Variants in GAREM1 observed in about 807,000 individuals in gnomAD.
The protein encoded by GAREM1 is GRB2 associated regulator of MAPK1 subtype 1.
GAREM1 carries 26 observed loss-of-function variants against 71.3 expected under a neutral mutation model. The observed-to-expected ratio is 0.36, with a 90% CI of 0.27 to 0.51. The LOEUF is 0.51. Ranked by LOEUF, GAREM1 falls within the 20% of genes least tolerant of loss-of-function variation. The pLI, the probability that GAREM1 is intolerant of heterozygous loss-of-function variation, is 0.95. For missense variants in GAREM1, 1,026 were observed against 1,103.1 expected, an observed-to-expected ratio of 0.93 and a Z score of 0.99; for synonymous variants, 440 against 433.2, an observed-to-expected ratio of 1.02 and a Z score of -0.20.
At chr18:32,310,532 C>T (rs1340119869) in intron 2 of GAREM1, among the ~76,000 whole-genome samples, 2 of 152,138 alleles carry the variant, frequency 1.3e-5, no homozygotes, top group Non-Finnish European at 2.9e-5. Context: ...AAATAAACTG[C>T]ATTCTTTTTG....
chr18:32,441,535 T>C (rs1001048063), intron 1 of GAREM1, among the ~76,000 whole-genome samples: 1 of 152,180 alleles, frequency 6.6e-6, no homozygotes, highest in African/African-American at 2.4e-5. Flanking sequence ...TATATTCAAG[T>C]GCATGACTAA....
At chr18:32,302,692 G>A (rs1019969967) in intron 3 of GAREM1, among the ~76,000 whole-genome samples, 5 of 152,198 alleles carry the variant, frequency 3.3e-5, no homozygotes, top group Middle Eastern at 3.2e-3. Flanking sequence ...AATGGTGGCT[G>A]TCAGAGGCTG....
At chr18:32,441,320 C>T (rs941470547) in intron 1 of GAREM1, among the ~76,000 whole-genome samples, 1 of 151,208 alleles carries the variant, frequency 6.6e-6, no homozygotes, top group Non-Finnish European at 1.5e-5. Flanking sequence ...CCAACAACAA[C>T]GTCTAGCATA....
At chr18:32,284,811 G>A (rs927613104) in intron 4 of GAREM1, among the ~76,000 whole-genome samples, 8 of 149,916 alleles carry the variant, frequency 5.3e-5, no homozygotes, top group Non-Finnish European at 1.0e-4. Context: ...GTGCAGTGGC[G>A]GGATCTCGGC....
At chr18:32,288,344 C>A (rs2047048269) in intron 3 of GAREM1, 141 bp from the exon 4 acceptor site, 2 of 619,530 alleles carry the variant, frequency 3.2e-6, no homozygotes, top group Non-Finnish European at 5.5e-6. Flanking sequence ...CACCTCATTT[C>A]TTTTATTATA....
At chr18:32,314,593 G>T (rs1427451643) in intron 2 of GAREM1, among the ~76,000 whole-genome samples, 2 of 143,654 alleles carry the variant, frequency 1.4e-5, no homozygotes, top group African/African-American at 5.1e-5. Context: ...TTTTGTTGTT[G>T]TTTTTTTTTT....
At chr18:32,289,697 CA>C (rs1467516850) in intron 3 of GAREM1, among the ~76,000 whole-genome samples, 1 of 151,996 alleles carries the variant, frequency 6.6e-6, no homozygotes, top group Non-Finnish European at 1.5e-5. Context: ...CACTAGGGGG[CA>C]ATGTTTGGAG....
At chr18:32,372,859 G>A (rs2047996877) in intron 2 of GAREM1, among the ~76,000 whole-genome samples, 1 of 152,212 alleles carries the variant, frequency 6.6e-6, no homozygotes, top group South Asian at 2.1e-4. Context: ...GACATGGGGT[G>A]GTTCCTGTAG....
At position 32,454,654 on chromosome 18, in the gene GAREM1, T is replaced by A. The variant is rs544044742; in HGVS notation, c.121+15654A>T. On this transcript the variant is annotated intron_variant, in intron 1 of 5. Coordinates refer to ENST00000269209, the MANE Select transcript of GAREM1 (RefSeq NM_001242409.2). ...TCATATTCTGGGTCTCTTCCAGGCT[T>A]GAGACAGTTGGAAAAGTCAGAGACT... is the stretch of plus-strand genomic sequence containing the variant. Among the ~76,000 whole-genome samples, 125 of 152,274 alleles carry A rather than the reference T, an allele frequency of 8.2e-4. 1 individual carries two copies. The highest frequency in any genetic ancestry group is 2.9e-3 in the African/African-American group (122 of 41,560).
At chr18:32,426,112 A>T (rs1274001671) in intron 1 of GAREM1, among the ~76,000 whole-genome samples, 1 of 152,068 alleles carries the variant, frequency 6.6e-6, no homozygotes, top group Admixed American at 6.6e-5. Context: ...TCTGCCTCCC[A>T]GGTTCGAGCA....
intron 2 of GAREM1, among the ~76,000 whole-genome samples, chr18:32,321,629 A>T (rs1404844693): frequency 6.6e-6 from 1 of 152,174 alleles, no homozygotes; most frequent in Non-Finnish European, 1.5e-5. Flanking sequence ...TACTTCCTGA[A>T]TCAAGCGACC....
At chr18:32,424,880 GT>G (rs1418019658) in intron 1 of GAREM1, among the ~76,000 whole-genome samples, 1 of 152,094 alleles carries the variant, frequency 6.6e-6, no homozygotes, top group Admixed American at 6.5e-5. Flanking sequence ...AAACAGAACA[GT>G]CCCTTGTTCT....
At chr18:32,272,787 C>A (rs1018696184) in intron 4 of GAREM1, among the ~76,000 whole-genome samples, 1 of 152,192 alleles carries the variant, frequency 6.6e-6, no homozygotes, top group African/African-American at 2.4e-5. Flanking sequence ...CCACACCCAG[C>A]TAATTTTGTA....
rs1471406875 is a variant in GAREM1 at position 32,264,263 on chromosome 18, AT to A, written c.*3607del. ...GAAAGCCCCCTACGTCCAACAACAG[AT>A]TTAACTTTTCTGGTAGACTGAAATT... is the stretch of plus-strand genomic sequence containing the variant. On this transcript the variant is annotated 3_prime_UTR_variant, in exon 6 of 6. Transcript: ENST00000269209. 4.1e-4 allele frequency: 63 copies of A among 152,336 alleles called. No homozygotes were observed. Among genetic ancestry groups the A allele is most frequent in the African/African-American group, 1.4e-3 (58 of 41,566 alleles). The allele number at this position is 152,336 out of a possible 1,614,324, so 9.4% of individuals were successfully genotyped here.
chr18:32,436,599 C>G (rs2048681582), intron 1 of GAREM1, among the ~76,000 whole-genome samples: 1 of 152,162 alleles, frequency 6.6e-6, no homozygotes, highest in African/African-American at 2.4e-5. Context: ...AATGTCATTT[C>G]TGTAAGTTTA....
At chr18:32,411,894 AT>A (rs538687017) in intron 1 of GAREM1, among the ~76,000 whole-genome samples, 87 of 152,212 alleles carry the variant, frequency 5.7e-4, no homozygotes, top group African/African-American at 2.0e-3. Context: ...AAAGACATTT[AT>A]TCAGCGTCAC....
intron 1 of GAREM1, chr18:32,413,326 A>G: frequency 2.3e-6 from 2 of 867,532 alleles, no homozygotes; most frequent in Non-Finnish European, 3.6e-6. Context: ...AGCCTTAAAA[A>G]CAAAACCACA....
chr18:32,288,847 C>A (rs937058205), intron 3 of GAREM1, among the ~76,000 whole-genome samples: 2 of 151,670 alleles, frequency 1.3e-5, no homozygotes, highest in African/African-American at 4.9e-5. Context: ...GTATCCATTT[C>A]CCCCGGGCAT....
In GAREM1 at chr18:32,287,924, G is replaced by T; in HGVS notation, c.673C>A (p.Leu225Met). The T allele has an allele frequency of 6.2e-7, 1 of 1,614,080 alleles. No individual in the cohort carries two copies. Among genetic ancestry groups the T allele is most frequent in the South Asian group, 1.1e-5 (1 of 91,056 alleles). The change falls in exon 4 of 6, where the codon CTG (leucine) becomes ATG (methionine). Residue 225 changes from leucine (L) to methionine (M), a missense_variant. Coordinates refer to ENST00000269209, the MANE Select transcript of GAREM1 (RefSeq NM_001242409.2). This position sits in a 1 kb window ranked among gnomAD's most constrained non-coding sequence, Gnocchi z 5.9. ...CKGRFSTRSP[L>M]ELQMQEGEHT... is the part of the protein sequence containing the mutation. ...TCGCCCTCTTGCATCTGAAGTTCCA[G>T]GGGACTTCGGGTGCTAAATCTGCCC...
Sources: allele counts gnomAD v4.1 joint callset (sites outside exome capture counted in the v4.1 genomes callset), GRCh38; gene constraint gnomAD v4.1.1; non-coding constraint Gnocchi (gnomAD v3.1); transcripts MANE v1.5; gene names NCBI Gene and HGNC (gene_info 2026-07-23, HGNC 2026-07-21).